LHFPL2: variants seen among roughly 807,000 people sequenced by gnomAD.
The protein encoded by LHFPL2 is LHFPL tetraspan subfamily member 2 protein.
In LHFPL2, 7 loss-of-function variants were observed where a neutral mutation model predicts 17.5. That is an observed-to-expected ratio of 0.40 (90% CI 0.23 to 0.75). The LOEUF (loss-of-function observed/expected upper bound fraction) is 0.75. Ranked by LOEUF, LHFPL2 falls within the 30% of genes least tolerant of loss-of-function variation. The pLI is 0.37. For synonymous variants in LHFPL2, 134 were observed against 116.2 expected, an observed-to-expected ratio of 1.15 and a Z score of -0.99; for missense variants, 241 against 294.8, an observed-to-expected ratio of 0.82 and a Z score of 1.34.
At chr5:78,559,918 A>C (rs1756677958) in intron 3 of LHFPL2, among the ~76,000 whole-genome samples, 1 of 152,254 alleles carries the variant, frequency 6.6e-6, no homozygotes, top group Non-Finnish European at 1.5e-5. Context: ...AGAAGTATCA[A>C]TCCTGCTTAA....
chr5:78,594,851 T>C (rs955950642), intron 2 of LHFPL2, among the ~76,000 whole-genome samples: 6 of 152,230 alleles, frequency 3.9e-5, no homozygotes, highest in Non-Finnish European at 7.3e-5. Context: ...AGAATGGACA[T>C]AGCCGCCAAC....
intron 2 of LHFPL2, among the ~76,000 whole-genome samples, chr5:78,616,675 T>G (rs1479030010): frequency 6.6e-6 from 1 of 152,168 alleles, no homozygotes; most frequent in African/African-American, 2.4e-5. Flanking sequence ...CTGGCAGCCC[T>G]TCAGAGCCTT....
At chr5:78,506,942 G>C (rs1754949259) in intron 4 of LHFPL2, among the ~76,000 whole-genome samples, 1 of 141,020 alleles carries the variant, frequency 7.1e-6, no homozygotes, top group South Asian at 2.6e-4. Context: ...AGACTGGAAA[G>C]AGGCAGAAGA....
intron 4 of LHFPL2, among the ~76,000 whole-genome samples, chr5:78,501,475 G>A (rs910589167): frequency 1.3e-5 from 2 of 152,072 alleles, no homozygotes; most frequent in Non-Finnish European, 2.9e-5. Context: ...GTTAAGATGC[G>A]GACCCCTTTC....
At chr5:78,628,516 G>A (rs889015554) in intron 2 of LHFPL2, among the ~76,000 whole-genome samples, 2 of 152,142 alleles carry the variant, frequency 1.3e-5, no homozygotes, top group African/African-American at 4.8e-5. Flanking sequence ...CCCCTCCCTG[G>A]TGCTCCGCTC....
intron 3 of LHFPL2, among the ~76,000 whole-genome samples, chr5:78,556,207 A>G (rs962953536): frequency 5.3e-5 from 8 of 152,224 alleles, no homozygotes; most frequent in African/African-American, 1.9e-4. Flanking sequence ...GTGTGAGTTA[A>G]CAATTACAGA....
intron 3 of LHFPL2, among the ~76,000 whole-genome samples, chr5:78,517,164 T>A (rs1192400778): frequency 6.6e-6 from 1 of 152,188 alleles, no homozygotes; most frequent in African/African-American, 2.4e-5. Flanking sequence ...CTCTTAAACA[T>A]GCTTCTTTTC....
chr5:78,498,945 T>C (rs141676998), intron 4 of LHFPL2, among the ~76,000 whole-genome samples: 144 of 152,260 alleles, frequency 9.5e-4, no homozygotes, highest in African/African-American at 3.3e-3. Context: ...ACTGGAAACG[T>C]GTTGATAGTG....
At chr5:78,606,713 C>T (rs1561362181) in intron 2 of LHFPL2, among the ~76,000 whole-genome samples, 1 of 152,146 alleles carries the variant, frequency 6.6e-6, no homozygotes, top group South Asian at 2.1e-4. Flanking sequence ...CTTGCTCTGT[C>T]GCCCAGGCTG....
intron 3 of LHFPL2, among the ~76,000 whole-genome samples, chr5:78,536,490 C>T (rs930108103): frequency 1.3e-5 from 2 of 152,212 alleles, no homozygotes. Context: ...TCTGGCCTCT[C>T]AGGGAATGGT....
At chr5:78,526,883 G>A (rs1236843445) in intron 3 of LHFPL2, among the ~76,000 whole-genome samples, 5 of 152,024 alleles carry the variant, frequency 3.3e-5, no homozygotes, top group Admixed American at 6.6e-5. Context: ...TCGCTTTCCC[G>A]GGGAATTTTC....
chr5:78,513,842 C>T (rs1397981121), intron 3 of LHFPL2, among the ~76,000 whole-genome samples: 1 of 152,198 alleles, frequency 6.6e-6, no homozygotes, highest in Non-Finnish European at 1.5e-5. Flanking sequence ...GTTCATTAAA[C>T]CTCTTTTTCT....
At chr5:78,628,917 G>A (rs568717065) in intron 2 of LHFPL2, among the ~76,000 whole-genome samples, 2 of 152,338 alleles carry the variant, frequency 1.3e-5, no homozygotes, top group Admixed American at 6.5e-5. Context: ...AATGGAGGAG[G>A]TCTGAAGGGA....
At chr5:78,583,579 A>T (rs1020034739) in intron 2 of LHFPL2, among the ~76,000 whole-genome samples, 1 of 151,618 alleles carries the variant, frequency 6.6e-6, no homozygotes, top group African/African-American at 2.4e-5. Context: ...TGGGTTGAAA[A>T]TTCTTTTCTT....
At chr5:78,547,666 CAA>C (rs200894390) in intron 3 of LHFPL2, among the ~76,000 whole-genome samples, 1 of 148,738 alleles carries the variant, frequency 6.7e-6, no homozygotes. Flanking sequence ...TTAACAGGGA[CAA>C]AAAAAAAATT....
At chr5:78,642,675 C>T (rs1745715568) in intron 1 of LHFPL2, among the ~76,000 whole-genome samples, 1 of 152,158 alleles carries the variant, frequency 6.6e-6, no homozygotes, top group Admixed American at 6.5e-5. Context: ...TCTCTAGCTC[C>T]AGACCTCGCC....
intron 2 of LHFPL2, among the ~76,000 whole-genome samples, chr5:78,599,439 A>G (rs1224240410): frequency 7.9e-5 from 12 of 151,226 alleles, no homozygotes; most frequent in African/African-American, 2.9e-4. Flanking sequence ...AGCTGGGATT[A>G]CAAGTGTCCG....
In LHFPL2 at chr5:78,510,096, T is replaced by G. The variant is rs763154138; in HGVS notation, c.118A>C (p.Ser40Arg). 3 of 1,612,602 alleles carry G rather than the reference T, an allele frequency of 1.9e-6. No individual in the cohort carries two copies. Among genetic ancestry groups the G allele is most frequent in the Non-Finnish European group, 2.5e-6 (3 of 1,179,410 alleles). ...CCCGCCGGCTCCACGCCGCCGCGGC[T>G]CCTCGCTTTCCCGATCAGCCAGTCT... ...SADWLIGKAR[S>R]RGGVEPAGPG... Residue 40 changes from serine (S) to arginine (R), a missense_variant, in exon 4 of 5, where the codon AGC becomes CGC. By Grantham distance (110) the Ser-to-Arg change is moderately radical (BLOSUM62 -1). Coordinates refer to ENST00000380345, the MANE Select transcript of LHFPL2 (RefSeq NM_005779.3).
intron 3 of LHFPL2, among the ~76,000 whole-genome samples, chr5:78,546,954 A>G (rs1396003372): frequency 6.6e-6 from 1 of 152,104 alleles, no homozygotes; most frequent in African/African-American, 2.4e-5. Flanking sequence ...CACTGTTTAC[A>G]GAATCTGACA....
Sources: allele counts gnomAD v4.1 joint callset (sites outside exome capture counted in the v4.1 genomes callset), GRCh38; gene constraint gnomAD v4.1.1; transcripts MANE v1.5; gene names NCBI Gene and HGNC (gene_info 2026-07-23, HGNC 2026-07-21).